Variants in CDC27 observed in about 807,000 individuals in gnomAD.
The protein encoded by CDC27 is cell division cycle 27.
CDC27 carries 27 observed loss-of-function variants against 109.7 expected under a neutral mutation model. The observed-to-expected ratio is 0.25, with a 90% CI of 0.18 to 0.34. CDC27 has a LOEUF of 0.34. CDC27 is among the 10% of genes least tolerant of loss of function. The pLI, the probability that CDC27 is intolerant of heterozygous loss-of-function variation, is 1.00. For missense variants in CDC27, 579 were observed against 960.2 expected (o/e 0.60, Z 5.25); for synonymous variants, 266 against 333.9 (o/e 0.80, Z 2.22).
intron 15 of CDC27, among the ~76,000 whole-genome samples, chr17:47,131,075 G>A (rs1466261909): frequency 6.6e-6 from 1 of 151,850 alleles, no homozygotes; most frequent in Non-Finnish European, 1.5e-5. Flanking sequence ...ACTAGTTCCC[G>A]AAAAGAGAAA....
intron 9 of CDC27, among the ~76,000 whole-genome samples, chr17:47,148,785 A>G (rs1025493963): frequency 3.3e-5 from 5 of 152,208 alleles, no homozygotes; most frequent in Non-Finnish European, 7.3e-5. Flanking sequence ...AAAATTGTCA[A>G]TTAGAAATTC....
intron 2 of CDC27, among the ~76,000 whole-genome samples, chr17:47,179,344 C>T (rs1378165584): frequency 6.6e-6 from 1 of 152,014 alleles, no homozygotes; most frequent in Non-Finnish European, 1.5e-5. Flanking sequence ...ACCAAGAAAA[C>T]TGTTGCCAAG....
rs1267953006 is a variant in CDC27 at position 47,136,208 on chromosome 17, G to A, written c.1913+944C>T. 1.2e-4 allele frequency among the ~76,000 whole-genome samples: 19 copies of A among 152,208 alleles called. No individual in the cohort carries two copies. In the East Asian group the frequency reaches 3.7e-3, roughly 29 times the overall value. ...AATATTACAGAGAACATAGCTATCG[G>A]AAGAGACAGCAGCATTGGCAAGTTG... On this transcript the variant is annotated intron_variant, in intron 14 of 18. Transcript: ENST00000066544.
At chr17:47,136,716 G>C (rs906126023) in intron 14 of CDC27, among the ~76,000 whole-genome samples, 3 of 152,136 alleles carry the variant, frequency 2.0e-5, no homozygotes, top group Admixed American at 6.5e-5. Context: ...CAATAAACCA[G>C]AACACTGTCA....
At position 47,159,726 on chromosome 17, in the gene CDC27, G is replaced by A. The variant is rs28687093; in HGVS notation, c.378-1423C>T. The A allele has an allele frequency of 3.6e-3, 1,477 of 412,320 alleles. 23 individuals are homozygous for A. The highest frequency in any genetic ancestry group is 0.028 in the African/African-American group (1,374 of 48,344). The allele number at this position is 412,320 out of a possible 1,614,324, so 25.5% of individuals were successfully genotyped here. On this transcript the variant is annotated intron_variant, in intron 4 of 18. Coordinates refer to ENST00000066544, the MANE Select transcript of CDC27 (RefSeq NM_001256.6). ...TCGAACCTGGTGCCCTGGCTGGCAC[G>A]GGTCTGCTTCTGCACCGGCATAATC...
intron 14 of CDC27, among the ~76,000 whole-genome samples, chr17:47,133,810 G>A (rs569336763): frequency 4.6e-5 from 7 of 151,576 alleles, no homozygotes; most frequent in South Asian, 2.1e-4. Context: ...GTGCAGTGGT[G>A]CAATCTCAGC....
intron 17 of CDC27, among the ~76,000 whole-genome samples, chr17:47,123,402 C>CTTTTTTTTTT (rs57868315): frequency 2.4e-5 from 3 of 122,998 alleles, no homozygotes; most frequent in Admixed American, 9.0e-5. Context: ...TTTTTTTCTA[C>CTTTTTTTTTT]TTTTTTTTTT....
At chr17:47,171,241 A>G (rs1214742662) in intron 3 of CDC27, among the ~76,000 whole-genome samples, 1 of 152,262 alleles carries the variant, frequency 6.6e-6, no homozygotes, top group Non-Finnish European at 1.5e-5. Flanking sequence ...CTTTAATTAA[A>G]AAGCCATCAA....
chr17:47,132,201 C>G, intron 15 of CDC27, 56 bp downstream of exon 15: 4 of 835,746 alleles, frequency 4.8e-6, no homozygotes, highest in Non-Finnish European at 7.5e-6. Flanking sequence ...AAATCAATAA[C>G]AAACATATTT....
intron 18 of CDC27, 61 bp from the exon 19 acceptor site, chr17:47,121,078 T>A: frequency 9.3e-7 from 1 of 1,078,666 alleles, no homozygotes; most frequent in African/African-American, 1.6e-5. Context: ...TGTTGGTTCA[T>A]GAAAACAAGT....
chr17:47,174,756 G>A (rs1674214645), intron 2 of CDC27, among the ~76,000 whole-genome samples: 1 of 152,142 alleles, frequency 6.6e-6, no homozygotes, highest in South Asian at 2.1e-4. Context: ...AAGAGTTCAA[G>A]GCCAGCCTGG....
intron 14 of CDC27, among the ~76,000 whole-genome samples, chr17:47,133,447 T>G (rs961368906): frequency 4.6e-5 from 6 of 130,854 alleles, no homozygotes; most frequent in East Asian, 2.3e-4. Context: ...TGTTTTTTTG[T>G]TTTTTTTTTG....
intron 14 of CDC27, among the ~76,000 whole-genome samples, chr17:47,132,862 C>A (rs1455322211): frequency 7.1e-6 from 1 of 141,260 alleles, no homozygotes; most frequent in Admixed American, 7.2e-5. Flanking sequence ...CTTGACCTCC[C>A]AGGCTCAAGT....
rs1368401105 is a variant in CDC27 at position 47,120,073 on chromosome 17, TCTC to T, written c.*859_*861del. ...CTTAAAAGTCTCTCCACTTTAGTGT[TCTC>T]CTTCTGATTCATATGGTGAACTTAA... is the stretch of plus-strand genomic sequence containing the variant. On this transcript the variant is annotated 3_prime_UTR_variant, in exon 19 of 19. Transcript: ENST00000066544. The T allele has an allele frequency of 1.3e-5, 2 of 152,200 alleles. No individual in the cohort carries two copies. Among genetic ancestry groups the T allele is most frequent in the African/African-American group, 4.8e-5 (2 of 41,442 alleles). The allele number at this position is 152,200 out of a possible 1,614,324, so 9.4% of individuals were successfully genotyped here. A position where few individuals can be genotyped will look rare whatever the true frequency, so the allele number is the denominator to read the frequency against.
chr17:47,187,171 T>C (rs1357406715), intron 1 of CDC27, among the ~76,000 whole-genome samples: 2 of 152,156 alleles, frequency 1.3e-5, no homozygotes, highest in Non-Finnish European at 2.9e-5. Flanking sequence ...AGAAGCAAAT[T>C]TGACATTTAA....
intron 2 of CDC27, among the ~76,000 whole-genome samples, chr17:47,172,722 C>A (rs763586461): frequency 3.3e-5 from 5 of 152,102 alleles, no homozygotes; most frequent in Non-Finnish European, 7.4e-5. Flanking sequence ...ATGCCCCCTG[C>A]CTTCTTAATG....
intron 2 of CDC27, among the ~76,000 whole-genome samples, chr17:47,176,452 T>C (rs1220062961): frequency 6.6e-6 from 1 of 152,214 alleles, no homozygotes. Flanking sequence ...ATGGGGTTAA[T>C]AGTGCTCTTA....
At chr17:47,149,524 A>G (rs997595418) in intron 9 of CDC27, among the ~76,000 whole-genome samples, 1 of 151,906 alleles carries the variant, frequency 6.6e-6, no homozygotes, top group Non-Finnish European at 1.5e-5. Flanking sequence ...AAAAAAAAAA[A>G]AAAAAAGAAA....
chr17:47,165,654 G>C (rs1002111638), intron 4 of CDC27, among the ~76,000 whole-genome samples: 2 of 152,144 alleles, frequency 1.3e-5, no homozygotes, highest in Non-Finnish European at 2.9e-5. Context: ...GCCAAGCAAA[G>C]AGTTTTAATT....
Sources: gnomAD v4.1 joint callset for allele counts (sites outside exome capture counted in the v4.1 genomes callset) on GRCh38, gnomAD v4.1.1 for gene constraint, MANE v1.5 for transcripts, NCBI Gene and HGNC (gene_info 2026-07-23, HGNC 2026-07-21) for gene names.